Variants in EGFLAM observed in about 807,000 individuals in gnomAD.
EGFLAM encodes pikachurin.
EGFLAM carries 79 observed loss-of-function variants against 113.1 expected under a neutral mutation model. The observed-to-expected ratio is 0.70, with a 90% CI of 0.58 to 0.84. The LOEUF (loss-of-function observed/expected upper bound fraction) is 0.84. Among genes scored for constraint, EGFLAM ranks in the 40% least tolerant of loss-of-function variants. The pLI is 0.00. For missense variants in EGFLAM, 1,265 were observed against 1,291.6 expected, an observed-to-expected ratio of 0.98 and a Z score of 0.32; for synonymous variants, 504 against 487.6, an observed-to-expected ratio of 1.03 and a Z score of -0.44.
intron 12 of EGFLAM, among the ~76,000 whole-genome samples, chr5:38,424,483 T>C (rs1398266081): frequency 6.6e-6 from 1 of 152,190 alleles, no homozygotes; most frequent in Admixed American, 6.5e-5. Flanking sequence ...TAGACGTGGC[T>C]GGGTAACTCC....
intron 3 of EGFLAM, among the ~76,000 whole-genome samples, chr5:38,343,485 T>C (rs1216122596): frequency 6.6e-6 from 1 of 151,284 alleles, no homozygotes; most frequent in Non-Finnish European, 1.5e-5. Flanking sequence ...CTCCTGGGCG[T>C]TTTGGTAGAC....
At chr5:38,429,580 C>G (rs985327810) in intron 14 of EGFLAM, among the ~76,000 whole-genome samples, 1 of 152,172 alleles carries the variant, frequency 6.6e-6, no homozygotes, top group African/African-American at 2.4e-5. Context: ...ATGAGTAAAA[C>G]TTGCATAAAT....
intron 5 of EGFLAM, among the ~76,000 whole-genome samples, chr5:38,354,864 T>C (rs1739725959): frequency 6.6e-6 from 1 of 152,240 alleles, no homozygotes; most frequent in Non-Finnish European, 1.5e-5. Flanking sequence ...TCTATATCTA[T>C]GTAAGGTAGA....
chr5:38,443,896 G>T (rs1742626660), intron 17 of EGFLAM, among the ~76,000 whole-genome samples: 1 of 151,500 alleles, frequency 6.6e-6, no homozygotes, highest in Non-Finnish European at 1.5e-5. Context: ...TCAGCCTCAT[G>T]AGTAGCTGAG....
chr5:38,443,205 G>A (rs1244541870), intron 17 of EGFLAM, among the ~76,000 whole-genome samples: 1 of 152,224 alleles, frequency 6.6e-6, no homozygotes, highest in Non-Finnish European at 1.5e-5. Context: ...GGCAGAATTT[G>A]CAGTAAGCCG....
intron 1 of EGFLAM, among the ~76,000 whole-genome samples, chr5:38,265,413 T>A (rs969821566): frequency 6.6e-6 from 1 of 152,224 alleles, no homozygotes; most frequent in Non-Finnish European, 1.5e-5. Flanking sequence ...AATGATGTGA[T>A]GTCTTGATTG....
chr5:38,458,254 T>C (rs1248676572), intron 19 of EGFLAM, 57 bp from the exon 20 acceptor site: 1 of 1,512,820 alleles, frequency 6.6e-7, no homozygotes, highest in African/African-American at 1.4e-5. Flanking sequence ...GAACCGTGTC[T>C]GCTTATGCCT....
At chr5:38,402,933 T>C (rs1741161940) in intron 6 of EGFLAM, among the ~76,000 whole-genome samples, 1 of 152,200 alleles carries the variant, frequency 6.6e-6, no homozygotes, top group African/African-American at 2.4e-5. Context: ...AATCTTAACC[T>C]TGTTGAGAAT....
At chr5:38,420,584 G>GTTC (rs1741789595) in intron 12 of EGFLAM, among the ~76,000 whole-genome samples, 2 of 152,196 alleles carry the variant, frequency 1.3e-5, no homozygotes, top group Non-Finnish European at 2.9e-5. Flanking sequence ...AAAGCACTTA[G>GTTC]AATAGGGCTT....
intron 1 of EGFLAM, among the ~76,000 whole-genome samples, chr5:38,322,788 G>C (rs1738775865): frequency 6.6e-6 from 1 of 152,190 alleles, no homozygotes; most frequent in Non-Finnish European, 1.5e-5. Context: ...AAGCATGATT[G>C]TGATGTGTAG....
At chr5:38,408,667 C>T (rs1324074677) in intron 9 of EGFLAM, among the ~76,000 whole-genome samples, 2 of 152,200 alleles carry the variant, frequency 1.3e-5, no homozygotes, top group Admixed American at 1.3e-4. Flanking sequence ...TGGATGTACA[C>T]CAGCAATGTC....
intron 1 of EGFLAM, among the ~76,000 whole-genome samples, chr5:38,259,783 T>C (rs1757453175): frequency 6.6e-6 from 1 of 152,236 alleles, no homozygotes; most frequent in Non-Finnish European, 1.5e-5. Context: ...TTTATTTGAA[T>C]GCAGTCTGCA....
chr5:38,365,441 T>C (rs1740035092), intron 5 of EGFLAM, among the ~76,000 whole-genome samples: 1 of 152,196 alleles, frequency 6.6e-6, no homozygotes, highest in South Asian at 2.1e-4. Context: ...TTGCCATGTG[T>C]TGGTGTTGAA....
At chr5:38,282,662 T>G in intron 1 of EGFLAM, 1 of 152,202 alleles carries the variant, frequency 6.6e-6, no homozygotes, top group East Asian at 1.9e-4. Flanking sequence ...TACCCATAAT[T>G]GCTAACTTTA....
intron 19 of EGFLAM, among the ~76,000 whole-genome samples, chr5:38,454,456 G>A (rs1335629831): frequency 6.6e-6 from 1 of 152,178 alleles, no homozygotes; most frequent in Non-Finnish European, 1.5e-5. Flanking sequence ...CATGTAAGGG[G>A]TTCAGTGTGG....
At chr5:38,287,274 G>A (rs62352431) in intron 1 of EGFLAM, among the ~76,000 whole-genome samples, 15,452 of 152,128 alleles carry the variant, frequency 0.1, 1,136 homozygotes, top group African/African-American at 0.21. Flanking sequence ...TACCTTTTGG[G>A]GTTTTATGGT....
intron 5 of EGFLAM, among the ~76,000 whole-genome samples, chr5:38,365,345 A>G (rs916223429): frequency 4.6e-5 from 7 of 152,210 alleles, no homozygotes; most frequent in African/African-American, 1.7e-4. Flanking sequence ...CACAATGTCC[A>G]GTGTATATCT....
At chr5:38,337,493 A>G (rs1235551325) in intron 1 of EGFLAM, 27 bp from the exon 2 acceptor site, 10 of 1,568,016 alleles carry the variant, frequency 6.4e-6, no homozygotes, top group Admixed American at 1.8e-5. Flanking sequence ...TGGAGCCTCT[A>G]ACACAATCTC....
intron 6 of EGFLAM, among the ~76,000 whole-genome samples, chr5:38,381,847 G>A (rs895821816): frequency 1.3e-5 from 2 of 152,124 alleles, no homozygotes; most frequent in African/African-American, 4.8e-5. Context: ...AGTCTGAAAA[G>A]GTAATCGCCA....
Sources: gnomAD v4.1 joint callset for allele counts (sites outside exome capture counted in the v4.1 genomes callset) on GRCh38, gnomAD v4.1.1 for gene constraint, MANE v1.5 for transcripts, NCBI Gene and HGNC (gene_info 2026-07-23, HGNC 2026-07-21) for gene names.